The following HERC2 variants were observed in gnomAD, a reference collection of about 807,000 sequenced individuals.
HERC2 encodes the protein E3 ubiquitin-protein ligase HERC2.
In HERC2, 102 loss-of-function variants were observed where a neutral mutation model predicts 537.7. The observed-to-expected ratio is 0.19, with a 90% confidence interval of 0.16 to 0.22. The LOEUF is 0.22. Among genes scored for constraint, HERC2 ranks in the 10% least tolerant of loss-of-function variants. The pLI is 1.00. For synonymous variants in HERC2, 2,224 were observed against 2,466.2 expected, an observed-to-expected ratio of 0.90 and a Z score of 2.91; for missense variants, 4,236 against 6,198.2, an observed-to-expected ratio of 0.68 and a Z score of 10.63.
chr15:28,243,877 A>G (rs370198534), intron 23 of HERC2, among the ~76,000 whole-genome samples: 4 of 152,342 alleles, frequency 2.6e-5, no homozygotes, highest in East Asian at 3.9e-4. Context: ...AAGAATGATT[A>G]AAGAAACAGA....
rs780073146 is a variant in HERC2, at chr15:28,214,145, G to A, written c.6486C>T (p.Leu2162=). Residue 2162 remains leucine (L), a synonymous_variant, in exon 41 of 93, where the codon CTC becomes CTT. Coordinates refer to ENST00000261609, the MANE Select transcript of HERC2 (RefSeq NM_004667.6). ...TLHSLTQWNG[L]INKYINSQLR... is the part of the protein sequence containing the mutation. The stretch of plus-strand genomic sequence containing the variant: ...GCTGGGAGTTGATGTACTTGTTGAT[G>A]AGCCCATTCCACTGAGTCAGGGAGT... 4.3e-6 allele frequency: 7 copies of A among 1,614,048 alleles called. No individual in the cohort carries two copies. In the South Asian group the frequency reaches 6.6e-5, roughly 15 times the overall value.
chr15:28,272,939 G>T lies in HERC2; in HGVS notation c.866C>A (p.Ala289Asp). ...AGCCAGCTCCAGCAGGATGGCCAGG[G>T]CCAAGTGCTGGTCCTGCAGGGGGAT... is the stretch of plus-strand genomic sequence containing the variant. The part of the protein sequence containing the change: ...GSIPLQDQHL[A>D]LAILLELAVQ... The change falls in exon 8 of 93, where the codon GCC (alanine) becomes GAC (aspartate). Residue 289 changes from alanine to aspartate, a missense_variant. Coordinates refer to ENST00000261609, the MANE Select transcript of HERC2 (RefSeq NM_004667.6). The T allele has an allele frequency of 6.2e-7, 1 of 1,612,214 alleles. No homozygotes were observed. Among genetic ancestry groups the T allele is most frequent in the Non-Finnish European group, 8.5e-7 (1 of 1,179,998 alleles).
intron 79 of HERC2, among the ~76,000 whole-genome samples, chr15:28,133,225 T>C (rs1056286765): frequency 3.9e-5 from 6 of 152,220 alleles, no homozygotes; most frequent in Admixed American, 3.3e-4. Context: ...ACCCCCACTA[T>C]GAATTAACAA....
rs1009349400 is a variant in HERC2, at chr15:28,196,092, C to T, written c.8260+123G>A. 39 of 801,614 alleles carry T rather than the reference C, an allele frequency of 4.9e-5. No individual in the cohort carries two copies. In the African/African-American group the frequency reaches 6.2e-4, roughly 13 times the overall value. The allele number at this position is 801,614 out of a possible 1,614,324, so 49.7% of individuals were successfully genotyped here. A position where few individuals can be genotyped will look rare whatever the true frequency, so the allele number is the denominator to read the frequency against. On this transcript the variant is annotated intron_variant, in intron 52 of 92. Coordinates refer to ENST00000261609, the MANE Select transcript of HERC2 (RefSeq NM_004667.6). ...GGACCGTCACTTCCGTCTCACTGTA[C>T]TCACTCTACAGAATTACTGTATACA...
intron 23 of HERC2, among the ~76,000 whole-genome samples, chr15:28,244,951 G>A (rs113833163): frequency 1.3e-5 from 2 of 152,246 alleles, no homozygotes; most frequent in African/African-American, 2.4e-5. Context: ...ACCATAGAAA[G>A]CATGGTGACT....
In HERC2 at chr15:28,153,152, G is replaced by A. The variant is rs141776886; in HGVS notation, c.10747-322C>T. Among the ~76,000 whole-genome samples the A allele has an allele frequency of 8.6e-3, 1,301 of 152,116 alleles. 13 individuals carry two copies. The highest frequency in any genetic ancestry group is 0.021 in the Middle Eastern group (6 of 292). ...GCGGATCACCTGAGGTCAGGAGTTC[G>A]AGATCAGCCTGACCAACATGGAGAA... On this transcript the variant is annotated intron_variant, in intron 69 of 92. Coordinates refer to ENST00000261609, the MANE Select transcript of HERC2 (RefSeq NM_004667.6).
chr15:28,121,282 C>CA, intron 86 of HERC2, 64 bp downstream of exon 86: 1 of 1,449,738 alleles, frequency 6.9e-7, no homozygotes, highest in South Asian at 1.1e-5. Flanking sequence ...CGTCCCAGCC[C>CA]AGGTACCCAC....
chr15:28,121,469 G>A, intron 85 of HERC2, 40 bp from the exon 86 acceptor site: 1 of 1,462,352 alleles, frequency 6.8e-7, no homozygotes. Context: ...AATCTGATAT[G>A]GAAAGCATCA....
rs1366921722 is a variant in HERC2 at position 28,168,331 on chromosome 15, C to T, written c.10413+76G>A. On this transcript the variant is annotated intron_variant, in intron 67 of 92. Transcript: ENST00000261609. ...CACAGAAACAGCCTAAACTAAATGA[C>T]ACAATGAGACTTTCCTAGACACAAA... 6 of 1,415,416 alleles carry T rather than the reference C, an allele frequency of 4.2e-6. No homozygotes were observed. In the East Asian group the frequency reaches 1.2e-4, roughly 27 times the overall value. The allele number at this position is 1,415,416 out of a possible 1,614,324, so 87.7% of individuals were successfully genotyped here.
chr15:28,231,920 G>A (rs1009006413), intron 30 of HERC2, among the ~76,000 whole-genome samples: 9 of 152,034 alleles, frequency 5.9e-5, no homozygotes, highest in African/African-American at 2.2e-4. Context: ...TGACAGTGTG[G>A]GCTCAGAACC....
chr15:28,292,048 T>C (rs568914765), intron 4 of HERC2, among the ~76,000 whole-genome samples: 2 of 150,776 alleles, frequency 1.3e-5, no homozygotes, highest in African/African-American at 4.9e-5. Flanking sequence ...GCTAACATAG[T>C]GAAACTTCGT....
At chr15:28,285,803 C>CAAAAAAAAAAAAAAAA (rs3079904) in intron 4 of HERC2, among the ~76,000 whole-genome samples, 3 of 72,382 alleles carry the variant, frequency 4.1e-5, no homozygotes, top group African/African-American at 8.7e-5. Context: ...GCATGACTGA[C>CAAAAAAAAAAAAAAAA]AAAAAAAAAA....
intron 31 of HERC2, 109 bp from the exon 32 acceptor site, chr15:28,229,956 T>C: frequency 1.2e-6 from 1 of 813,154 alleles, no homozygotes; most frequent in Non-Finnish European, 2.0e-6. Context: ...TTTAAATTGG[T>C]TAAATTTAGT....
rs55977156 is a variant in HERC2 at position 28,301,735 on chromosome 15, GTATATATATATATATA to G, written c.73-2235_73-2220del. On this transcript the variant is annotated intron_variant, in intron 2 of 92. Transcript: ENST00000261609. ...GGATACACACTAGTTGTATGTATGT[GTATATATATATATATA>G]TATATATATATATATATATATATAT... Among the ~76,000 whole-genome samples, 225 of 35,374 alleles carry G rather than the reference GTATATATATATATATA, an allele frequency of 6.4e-3. 3 individuals are homozygous for G. Among genetic ancestry groups the G allele is most frequent in the Middle Eastern group, 0.062 (2 of 32 alleles). The allele number at this position is 35,374 out of a possible 152,430, so 23.2% of individuals were successfully genotyped here.
intron 30 of HERC2, 74 bp downstream of exon 30, chr15:28,233,072 C>T (rs1289684974): frequency 8.5e-7 from 1 of 1,174,730 alleles, no homozygotes; most frequent in African/African-American, 1.5e-5. Flanking sequence ...AAACTTCACT[C>T]TGAAATCACA....
At chr15:28,126,277 C>G (rs927793463) in intron 83 of HERC2, among the ~76,000 whole-genome samples, 6 of 152,154 alleles carry the variant, frequency 3.9e-5, no homozygotes, top group African/African-American at 7.2e-5. Flanking sequence ...TGTGAAAACG[C>G]GTTGTGATGG....
chr15:28,153,273 A>C (rs1256069197), intron 69 of HERC2, among the ~76,000 whole-genome samples: 2 of 152,152 alleles, frequency 1.3e-5, no homozygotes, highest in African/African-American at 4.8e-5. Context: ...GAATCACTTG[A>C]ACCTGGGAGG....
intron 79 of HERC2, among the ~76,000 whole-genome samples, chr15:28,134,387 T>C (rs1324252164): frequency 6.6e-6 from 1 of 152,246 alleles, no homozygotes; most frequent in East Asian, 1.9e-4. Flanking sequence ...CCAGGTTCTC[T>C]GCATAAACAA....
At chr15:28,193,092 G>C (rs1897002886) in intron 52 of HERC2, among the ~76,000 whole-genome samples, 1 of 152,092 alleles carries the variant, frequency 6.6e-6, no homozygotes, top group African/African-American at 2.4e-5. Flanking sequence ...GCCTCAAAAT[G>C]AGTCAAGAAA....
Sources: allele counts gnomAD v4.1 joint callset (sites outside exome capture counted in the v4.1 genomes callset), GRCh38; gene constraint gnomAD v4.1.1; transcripts MANE v1.5; gene names NCBI Gene and HGNC (gene_info 2026-07-23, HGNC 2026-07-21).